The following GLIS3 variants were observed in gnomAD, a reference collection of about 807,000 sequenced individuals.
GLIS3 encodes the protein zinc finger protein GLIS3.
In GLIS3, 53 loss-of-function variants were observed where a neutral mutation model predicts 78.6. The ratio of observed to expected loss-of-function variants is 0.67; its 90% CI spans 0.54 to 0.85. The LOEUF (loss-of-function observed/expected upper bound fraction) is 0.85, where lower values mean the gene tolerates loss of function less well. Among genes scored for constraint, GLIS3 ranks in the 40% least tolerant of loss-of-function variants. GLIS3 has a pLI of 0.00. For missense variants in GLIS3, 1,703 were observed against 1,231.1 expected (o/e 1.38, Z -5.74); for synonymous variants, 684 against 509.9 (o/e 1.34, Z -4.60).
At chr9:3,922,518 C>T (rs1022000214) in intron 6 of GLIS3, among the ~76,000 whole-genome samples, 3 of 152,126 alleles carry the variant, frequency 2.0e-5, no homozygotes, top group Admixed American at 6.5e-5. Context: ...GGACTCTGAA[C>T]ATGATATAAC....
At chr9:4,269,088 G>A (rs984526298) in intron 2 of GLIS3, among the ~76,000 whole-genome samples, 2 of 152,230 alleles carry the variant, frequency 1.3e-5, no homozygotes, top group African/African-American at 4.8e-5. Flanking sequence ...TTTCTCACAC[G>A]ACACAGAATA....
At chr9:4,381,448 ACCGG>A in the GLIS3 span, among the ~76,000 whole-genome samples, 2 of 152,356 alleles carry the variant, frequency 1.3e-5, no homozygotes, top group Middle Eastern at 6.8e-3. Flanking sequence ...ATAAGCACCA[ACCGG>A]ACGGACAAAT....
chr9:3,912,559 C>G (rs1015799468), intron 6 of GLIS3, among the ~76,000 whole-genome samples: 1 of 152,160 alleles, frequency 6.6e-6, no homozygotes, highest in Non-Finnish European at 1.5e-5. Context: ...ATGTTGAAAT[C>G]AGAAAGGCAT....
Position 4,054,665 on chromosome 9 carries a change from T to C in GLIS3, c.1710+63103A>G, listed in dbSNP as rs889410360. The stretch of plus-strand genomic sequence containing the variant: ...CCTAATTATTTCTCCTATAAAACTG[T>C]GCTGTTTCTCAACAAAAAAAAAGTA... On this transcript the variant is annotated intron_variant, in intron 4 of 10. Coordinates refer to ENST00000381971, the MANE Select transcript of GLIS3 (RefSeq NM_001042413.2). Among the ~76,000 whole-genome samples, 14 of 151,716 alleles carry C rather than the reference T, an allele frequency of 9.2e-5. No individual in the cohort carries two copies. In the East Asian group the frequency reaches 2.5e-3, roughly 27 times the overall value.
chr9:4,461,857 C>T, the GLIS3 span, among the ~76,000 whole-genome samples: 1 of 152,228 alleles, frequency 6.6e-6, no homozygotes, highest in African/African-American at 2.4e-5. Flanking sequence ...AGTTTGTTGT[C>T]GTCAAGCTCT....
At chr9:4,241,733 A>T (rs769896160) in intron 2 of GLIS3, among the ~76,000 whole-genome samples, 3 of 152,066 alleles carry the variant, frequency 2.0e-5, no homozygotes, top group Non-Finnish European at 4.4e-5. Context: ...TCCAGGCTGG[A>T]ATGCAGCAGC....
intron 2 of GLIS3, among the ~76,000 whole-genome samples, chr9:4,260,641 G>A (rs892451780): frequency 1.3e-5 from 2 of 151,968 alleles, no homozygotes; most frequent in Non-Finnish European, 2.9e-5. Context: ...AGCTACTCAG[G>A]AGGCTGAGGC....
chr9:3,859,865 A>G (rs1026568931), intron 8 of GLIS3, among the ~76,000 whole-genome samples: 1 of 152,258 alleles, frequency 6.6e-6, no homozygotes, highest in East Asian at 1.9e-4. Flanking sequence ...TAACCAGATA[A>G]CTGAGTCAAA....
rs1433333172 is a variant in GLIS3 at position 4,000,315 on chromosome 9, T to C, written c.1711-63126A>G. ...ATGTATTTTTAAGGATGCCTATATG[T>C]GTGGTAAAACTTTAAGGAAAAGCAA... On this transcript the variant is annotated intron_variant, in intron 4 of 10. Transcript: ENST00000381971. Among the ~76,000 whole-genome samples the C allele has an allele frequency of 2.6e-5, 4 of 152,104 alleles. 1 individual carries two copies. The highest frequency in any genetic ancestry group is 1.3e-4 in the Admixed American group (2 of 15,258).
At chr9:4,260,511 T>C (rs1353794754) in intron 2 of GLIS3, among the ~76,000 whole-genome samples, 2 of 148,098 alleles carry the variant, frequency 1.4e-5, no homozygotes, top group Middle Eastern at 3.3e-3. Flanking sequence ...AGGTTGTAGT[T>C]AGCCAAGATT....
chr9:4,378,268 G>A, the GLIS3 span, among the ~76,000 whole-genome samples: 1 of 152,034 alleles, frequency 6.6e-6, no homozygotes, highest in Non-Finnish European at 1.5e-5. Context: ...ATTACATAAT[G>A]CCAGTTACAT....
the GLIS3 span, among the ~76,000 whole-genome samples, chr9:4,489,197 G>C: frequency 1.3e-5 from 2 of 151,976 alleles, no homozygotes; most frequent in Non-Finnish European, 1.5e-5. Flanking sequence ...GATCTTCCTC[G>C]GACACCCAAC....
chr9:4,220,332 T>G (rs1821213253), intron 2 of GLIS3, among the ~76,000 whole-genome samples: 1 of 152,198 alleles, frequency 6.6e-6, no homozygotes, highest in African/African-American at 2.4e-5. Flanking sequence ...TTAAATAATC[T>G]CAAAATAGCT....
intron 2 of GLIS3, chr9:4,285,755 C>A (rs1237497477): frequency 2.3e-6 from 1 of 439,330 alleles, no homozygotes; most frequent in Non-Finnish European, 4.2e-6. Context: ...ACCCTTCCAC[C>A]ACAACCACTC....
At chr9:4,340,568 A>G (rs1159105328) in intron 2 of GLIS3, among the ~76,000 whole-genome samples, 3 of 152,204 alleles carry the variant, frequency 2.0e-5, no homozygotes, top group African/African-American at 7.2e-5. Flanking sequence ...GTGGCAGGAC[A>G]GCAGGAATGA....
chr9:3,941,903 T>C (rs1815950370), intron 4 of GLIS3, among the ~76,000 whole-genome samples: 8 of 152,216 alleles, frequency 5.3e-5, no homozygotes, highest in Admixed American at 5.2e-4. Context: ...CATCTACATA[T>C]ATTGACTTGA....
At chr9:4,282,581 G>T (rs564552675) in intron 2 of GLIS3, among the ~76,000 whole-genome samples, 4 of 152,206 alleles carry the variant, frequency 2.6e-5, no homozygotes, top group South Asian at 4.2e-4. Flanking sequence ...CCTTCAGACA[G>T]GGACTACATC....
the GLIS3 span, among the ~76,000 whole-genome samples, chr9:4,357,027 A>G: frequency 1.3e-5 from 2 of 152,248 alleles, no homozygotes; most frequent in Non-Finnish European, 2.9e-5. Flanking sequence ...TAGCATGTAT[A>G]AATCATTGAA....
At chr9:3,911,490 GA>G (rs1320746234) in intron 6 of GLIS3, among the ~76,000 whole-genome samples, 1 of 152,150 alleles carries the variant, frequency 6.6e-6, no homozygotes, top group Non-Finnish European at 1.5e-5. Flanking sequence ...TGGCATTAAG[GA>G]TGATGGTAAA....
Sources: allele counts gnomAD v4.1 joint callset (sites outside exome capture counted in the v4.1 genomes callset), GRCh38; gene constraint gnomAD v4.1.1; transcripts MANE v1.5; gene names NCBI Gene and HGNC (gene_info 2026-07-23, HGNC 2026-07-21).